FOXP2: variants seen among roughly 807,000 people sequenced by gnomAD.
FOXP2 encodes forkhead box protein P2.
Under a neutral mutation model 115.8 loss-of-function variants are expected in FOXP2, and 12 were observed. The observed-to-expected ratio is 0.10, with a 90% CI of 0.07 to 0.17. FOXP2 has a LOEUF of 0.17. Ranked by LOEUF, FOXP2 falls within the 10% of genes least tolerant of loss-of-function variation. The probability of loss-of-function intolerance (pLI) is 1.00; values close to 1 mark genes in which losing one functional copy is unlikely to be tolerated. For missense variants in FOXP2, 629 were observed against 843.5 expected, an observed-to-expected ratio of 0.75 and a Z score of 3.15; for synonymous variants, 328 against 297.7, an observed-to-expected ratio of 1.10 and a Z score of -1.05.
intron 1 of FOXP2, among the ~76,000 whole-genome samples, chr7:114,131,481 A>G (rs1269106118): frequency 1.3e-5 from 2 of 152,286 alleles, no homozygotes; most frequent in East Asian, 3.9e-4. Flanking sequence ...GGACAATGTT[A>G]GTGATTTTTT....
intron 1 of FOXP2, among the ~76,000 whole-genome samples, chr7:114,232,002 A>G (rs1794888454): frequency 1.3e-5 from 2 of 152,174 alleles, no homozygotes; most frequent in Admixed American, 6.6e-5. Context: ...GAACTCCTAC[A>G]TCTCAGTGGC....
At chr7:114,386,211 C>G (rs906103410) in intron 2 of FOXP2, among the ~76,000 whole-genome samples, 28 of 152,148 alleles carry the variant, frequency 1.8e-4, no homozygotes, top group African/African-American at 6.3e-4. Flanking sequence ...CGAGCCATAA[C>G]AAATGTGGAC....
At chr7:114,290,539 A>C (rs1344439978) in intron 2 of FOXP2, among the ~76,000 whole-genome samples, 2 of 152,104 alleles carry the variant, frequency 1.3e-5, no homozygotes, top group Admixed American at 6.6e-5. Context: ...GTATCATATG[A>C]AAAATATTTG....
At chr7:114,376,616 T>C (rs1792143250) in intron 2 of FOXP2, among the ~76,000 whole-genome samples, 1 of 152,188 alleles carries the variant, frequency 6.6e-6, no homozygotes, top group Non-Finnish European at 1.5e-5. Flanking sequence ...GACTTCTAAA[T>C]ATATAGCAGC....
intron 1 of FOXP2, among the ~76,000 whole-genome samples, chr7:114,279,007 A>G (rs555998433): frequency 7.2e-5 from 11 of 152,284 alleles, no homozygotes; most frequent in African/African-American, 1.9e-4. Context: ...ATATGGGTAG[A>G]TTAGAATAGA....
intron 1 of FOXP2, among the ~76,000 whole-genome samples, chr7:114,233,969 G>A (rs1054481253): frequency 1.3e-5 from 2 of 152,236 alleles, no homozygotes; most frequent in Non-Finnish European, 2.9e-5. Context: ...TCCACATTGC[G>A]CCACTGCACT....
At chr7:114,479,036 G>A (rs1166457103) in intron 2 of FOXP2, among the ~76,000 whole-genome samples, 1 of 151,696 alleles carries the variant, frequency 6.6e-6, no homozygotes, top group African/African-American at 2.4e-5. Context: ...TCTGTGCTAT[G>A]GTGACCAATT....
Position 114,308,805 on chromosome 7 carries a change from G to A in FOXP2, c.-11+20696G>A, listed in dbSNP as rs186977394. 1.3e-5 allele frequency among the ~76,000 whole-genome samples: 2 copies of A among 152,212 alleles called. 1 individual carries two copies. The highest frequency in any genetic ancestry group is 1.3e-4 in the Admixed American group (2 of 15,290). On this transcript the variant is annotated intron_variant, in intron 2 of 17. Coordinates refer to the FOXP2 transcript ENST00000634411. ...AAATATGACATAGTTAAGTTTCAGGGCCACAATATCATGGCCAGAGTTGGC... is the reference window on the plus strand; with the variant it reads ...AAATATGACATAGTTAAGTTTCAGGACCACAATATCATGGCCAGAGTTGGC...
intron 2 of FOXP2, among the ~76,000 whole-genome samples, chr7:114,489,897 T>C (rs948415843): frequency 6.6e-6 from 1 of 152,120 alleles, no homozygotes; most frequent in Non-Finnish European, 1.5e-5. Flanking sequence ...GTATCTACTA[T>C]CAGAATGGCC....
chr7:114,567,267 C>A (rs1563004087), intron 3 of FOXP2, among the ~76,000 whole-genome samples: 1 of 152,046 alleles, frequency 6.6e-6, no homozygotes, highest in Non-Finnish European at 1.5e-5. Context: ...ATATGGGTAT[C>A]AGCACTGTTC....
At chr7:114,435,505 G>A (rs1000642917) in intron 2 of FOXP2, among the ~76,000 whole-genome samples, 3 of 152,084 alleles carry the variant, frequency 2.0e-5, no homozygotes, top group Non-Finnish European at 4.4e-5. Context: ...ATAGATCCTG[G>A]AGGATCTTGT....
intron 1 of FOXP2, among the ~76,000 whole-genome samples, chr7:114,130,023 A>T (rs1791826535): frequency 6.6e-6 from 1 of 152,168 alleles, no homozygotes; most frequent in Non-Finnish European, 1.5e-5. Context: ...TTAAACTTTT[A>T]AAAAGTCTGC....
At chr7:114,310,488 A>G (rs1000714735) in intron 2 of FOXP2, among the ~76,000 whole-genome samples, 2 of 151,720 alleles carry the variant, frequency 1.3e-5, no homozygotes, top group East Asian at 3.9e-4. Context: ...GTGTTAGGAG[A>G]GCATAGTAGC....
At chr7:114,337,609 TATAAAGA>T (rs1321227997) in intron 2 of FOXP2, among the ~76,000 whole-genome samples, 1 of 151,178 alleles carries the variant, frequency 6.6e-6, no homozygotes, top group Non-Finnish European at 1.5e-5. Context: ...ATTAATCATA[TATAAAGA>T]ATAAAGACTG....
At chr7:114,689,752 A>G in intron 16 of FOXP2, 30 bp from the exon 17 acceptor site, 1 of 1,612,388 alleles carries the variant, frequency 6.2e-7, no homozygotes, top group Non-Finnish European at 8.5e-7. Flanking sequence ...CTTACTTAGT[A>G]AAATTTTGGT....
intron 1 of FOXP2, among the ~76,000 whole-genome samples, chr7:114,243,926 T>G (rs1328138120): frequency 2.0e-5 from 3 of 151,868 alleles, no homozygotes; most frequent in South Asian, 2.1e-4. Flanking sequence ...GTTTTTTTTT[T>G]TTGTTTTGTT....
In FOXP2 at chr7:114,230,027, A is replaced by C. The variant is rs137945729; in HGVS notation, c.-101-57992A>C. Reference sequence around the variant, plus strand: ...GAGAAAATGAGAGAAGATTCAAATCAGAAATGAAAAAGGAGAGATTACAAC... The same window carrying C: ...GAGAAAATGAGAGAAGATTCAAATCCGAAATGAAAAAGGAGAGATTACAAC... On this transcript the variant is annotated intron_variant, in intron 1 of 17. Transcript: ENST00000634411. 6.2e-3 allele frequency among the ~76,000 whole-genome samples: 936 copies of C among 151,910 alleles called. 9 individuals are homozygous for C. Among genetic ancestry groups the C allele is most frequent in the African/African-American group, 0.022 (898 of 41,552 alleles).
rs548589349 is a variant in FOXP2 at position 114,499,712 on chromosome 7, A to AG, written c.169-34905_169-34904insG. The AG allele has an allele frequency of 2.2e-4, 33 of 152,304 alleles. No homozygotes were observed. In the South Asian group the frequency reaches 5.8e-3, roughly 27 times the overall value. The allele number at this position is 152,304 out of a possible 1,614,324, so 9.4% of individuals were successfully genotyped here. ...TTTCTCTTGGTTTTTTACTTTTTAA[A>AG]TAAAAACACATTTAACTTACCTTCT... On this transcript the variant is annotated intron_variant, in intron 2 of 16. Transcript: ENST00000350908.
intron 16 of FOXP2, among the ~76,000 whole-genome samples, chr7:114,681,945 A>G (rs941426775): frequency 1.3e-5 from 2 of 152,184 alleles, no homozygotes; most frequent in Admixed American, 1.3e-4. Flanking sequence ...TAAAAAATTA[A>G]TTTCTGTATT....
Sources: allele counts gnomAD v4.1 joint callset (sites outside exome capture counted in the v4.1 genomes callset), GRCh38; gene constraint gnomAD v4.1.1; transcripts MANE v1.5; gene names NCBI Gene and HGNC (gene_info 2026-07-23, HGNC 2026-07-21).